The following MSMO1 variants were observed in gnomAD, a reference collection of about 807,000 sequenced individuals.
The protein encoded by MSMO1 is C-4 methylsterol oxidase.
A neutral mutation model predicts 30.4 loss-of-function variants in MSMO1; 18 were observed. The ratio of observed to expected loss-of-function variants is 0.59; its 90% confidence interval spans 0.41 to 0.88. The LOEUF (loss-of-function observed/expected upper bound fraction) is 0.88, where lower values mean the gene tolerates loss of function less well. Among genes scored for constraint, MSMO1 ranks in the 40% least tolerant of loss-of-function variants. The pLI, the probability that MSMO1 is intolerant of heterozygous loss-of-function variation, is 0.00. For missense variants in MSMO1, 284 were observed against 340.5 expected (o/e 0.83, Z 1.31); for synonymous variants, 84 against 107.9 (o/e 0.78, Z 1.37).
intron 5 of MSMO1, among the ~76,000 whole-genome samples, chr4:165,341,342 T>C (rs1450951211): frequency 1.3e-5 from 2 of 152,232 alleles, no homozygotes; most frequent in African/African-American, 4.8e-5. Flanking sequence ...TAATACTTGA[T>C]ACTAATTTTA....
chr4:165,335,066 C>T (rs1017057007), intron 2 of MSMO1, among the ~76,000 whole-genome samples: 9 of 152,170 alleles, frequency 5.9e-5, no homozygotes, highest in South Asian at 2.1e-4. Flanking sequence ...TTAAAGTATA[C>T]GAGAGGATTC....
intron 1 of MSMO1, among the ~76,000 whole-genome samples, chr4:165,333,030 A>T (rs1042553465): frequency 6.6e-6 from 1 of 152,154 alleles, no homozygotes; most frequent in Non-Finnish European, 1.5e-5. Context: ...AACCTTTTCC[A>T]TGAGAACCAC....
intron 4 of MSMO1, 130 bp from the exon 5 acceptor site, chr4:165,340,091 A>T: frequency 3.9e-6 from 3 of 765,990 alleles, no homozygotes; most frequent in Non-Finnish European, 6.5e-6. Context: ...CATCTAAAAA[A>T]TACCTTCACA....
intron 1 of MSMO1, among the ~76,000 whole-genome samples, chr4:165,330,379 T>C (rs1747357424): frequency 6.6e-6 from 1 of 152,258 alleles, no homozygotes; most frequent in Admixed American, 6.5e-5. Context: ...TGTTAGTTTC[T>C]TGTAGCTATT....
chr4:165,340,449 T>C, intron 5 of MSMO1, 74 bp downstream of exon 5: 1 of 1,278,262 alleles, frequency 7.8e-7, no homozygotes, highest in Non-Finnish European at 1.1e-6. Context: ...GATTATCATA[T>C]TTCTAAGGAG....
intron 2 of MSMO1, among the ~76,000 whole-genome samples, chr4:165,337,171 A>G (rs1405758762): frequency 6.6e-6 from 1 of 152,320 alleles, no homozygotes; most frequent in Non-Finnish European, 1.5e-5. Flanking sequence ...TTTGTTTTTT[A>G]TAATGACTTG....
In MSMO1 at chr4:165,340,394, TCAGGTATAAAG is replaced by T. The variant is rs772176638; in HGVS notation, c.686+22_686+32del. ...TCCATAGGTGAGTATTAATTTCTGT[TCAGGTATAAAG>T]CATAATGAAATATATTTATTTTCAT... On this transcript the variant is annotated intron_variant, in intron 5 of 5. Coordinates refer to ENST00000261507, the MANE Select transcript of MSMO1 (RefSeq NM_006745.5). 1 of 1,597,998 alleles carries T rather than the reference TCAGGTATAAAG, an allele frequency of 6.3e-7. No individual in the cohort carries two copies. Among genetic ancestry groups the T allele is most frequent in the African/African-American group, 1.3e-5 (1 of 74,614 alleles).
rs1059209 is a variant in MSMO1, at chr4:165,342,061, A to G, written c.*115A>G. The G allele has an allele frequency of 0.029, 25,462 of 888,502 alleles. 3,505 individuals are homozygous for G. In the African/African-American group the frequency reaches 0.33, roughly 12 times the overall value. The allele number at this position is 888,502 out of a possible 1,614,324, so 55.0% of individuals were successfully genotyped here. ...ATGTCTTCTGGCTACTAAGTGATAA[A>G]AAGAACATTAACAACCTTTAATTAC... On this transcript the variant is annotated 3_prime_UTR_variant, in exon 6 of 6. Transcript: ENST00000261507.
chr4:165,331,229 G>C (rs1372242755), intron 1 of MSMO1, among the ~76,000 whole-genome samples: 1 of 151,888 alleles, frequency 6.6e-6, no homozygotes, highest in Admixed American at 6.6e-5. Context: ...GCTTGAGCCT[G>C]GGAGGTCGAG....
At chr4:165,332,029 C>T (rs1747408710) in intron 1 of MSMO1, among the ~76,000 whole-genome samples, 1 of 151,302 alleles carries the variant, frequency 6.6e-6, no homozygotes, top group South Asian at 2.1e-4. Flanking sequence ...CCCCGCCGAG[C>T]TGTCTTCCAT....
rs1412722726 is a variant in MSMO1, at chr4:165,334,121, T to C, written c.255+496T>C. On this transcript the variant is annotated intron_variant, in intron 2 of 5. Coordinates refer to ENST00000261507, the MANE Select transcript of MSMO1 (RefSeq NM_006745.5). The stretch of plus-strand genomic sequence containing the variant: ...AAATAAATGTAAATTATTATTTCAA[T>C]CAGTAATCAAATTCTAAAAAATACT... 2.6e-5 allele frequency among the ~76,000 whole-genome samples: 4 copies of C among 152,324 alleles called. No homozygotes were observed. The East Asian group carries it at 7.7e-4, about 29-fold the overall frequency.
intron 2 of MSMO1, among the ~76,000 whole-genome samples, 154 bp from the exon 3 acceptor site, chr4:165,337,635 A>C (rs1474502607): frequency 2.0e-5 from 3 of 152,220 alleles, no homozygotes; most frequent in African/African-American, 7.2e-5. Context: ...AGTAGTTGTC[A>C]AGAATTTAGA....
At chr4:165,328,852 A>C (rs1747309373) in intron 1 of MSMO1, among the ~76,000 whole-genome samples, 1 of 152,214 alleles carries the variant, frequency 6.6e-6, no homozygotes, top group Admixed American at 6.5e-5. Flanking sequence ...TTGAAGACTT[A>C]AGGCAGCAGA....
At chr4:165,335,067 G>T (rs28680869) in intron 2 of MSMO1, among the ~76,000 whole-genome samples, 1 of 152,098 alleles carries the variant, frequency 6.6e-6, no homozygotes, top group Non-Finnish European at 1.5e-5. Flanking sequence ...TAAAGTATAC[G>T]AGAGGATTCG....
chr4:165,340,461 C>A, intron 5 of MSMO1, 86 bp downstream of exon 5: 1 of 1,137,324 alleles, frequency 8.8e-7, no homozygotes, highest in Non-Finnish European at 1.3e-6. Flanking sequence ...TCTAAGGAGA[C>A]TAATAGGAGA....
intron 4 of MSMO1, among the ~76,000 whole-genome samples, chr4:165,339,096 C>CTTTTTTTT (rs869192459): frequency 0.013 from 814 of 60,502 alleles, 133 homozygotes; most frequent in Admixed American, 0.029. Context: ...ATGAGCACTG[C>CTTTTTTTT]TTTTTTTTTT....
intron 4 of MSMO1, among the ~76,000 whole-genome samples, chr4:165,339,465 G>A (rs556408157): frequency 1.3e-5 from 2 of 152,142 alleles, no homozygotes; most frequent in South Asian, 2.1e-4. Flanking sequence ...TGCATTGACC[G>A]TGATTACATG....
At position 165,333,731 on chromosome 4, in the gene MSMO1, A is replaced by C. The variant is rs576635575; in HGVS notation, c.255+106A>C. ...AGGCTAAAGCAGTGATATCCAATAG[A>C]AATATGAAGCCACGTATGTAATTTT... On this transcript the variant is annotated intron_variant, in intron 2 of 5. Transcript: ENST00000261507. The C allele has an allele frequency of 7.4e-6, 9 of 1,217,546 alleles. No homozygotes were observed. In the East Asian group the frequency reaches 2.2e-4, roughly 30 times the overall value. The allele number at this position is 1,217,546 out of a possible 1,614,324, so 75.4% of individuals were successfully genotyped here. A position where few individuals can be genotyped will look rare whatever the true frequency, so the allele number is the denominator to read the frequency against.
At chr4:165,337,716 CAG>C (rs1303133762) in intron 2 of MSMO1, 71 bp from the exon 3 acceptor site, 10 of 1,474,248 alleles carry the variant, frequency 6.8e-6, no homozygotes, top group Admixed American at 1.7e-5. Flanking sequence ...CCAACATAAA[CAG>C]AGAACAAATT....
Sources: gnomAD v4.1 joint callset for allele counts (sites outside exome capture counted in the v4.1 genomes callset) on GRCh38, gnomAD v4.1.1 for gene constraint, MANE v1.5 for transcripts, NCBI Gene and HGNC (gene_info 2026-07-23, HGNC 2026-07-21) for gene names.